Variants in GLE1 observed in about 807,000 individuals in gnomAD.
GLE1 encodes mRNA export factor GLE1.
GLE1 carries 78 observed loss-of-function variants against 97.3 expected under a neutral mutation model. The observed-to-expected ratio is 0.80, with a 90% confidence interval of 0.67 to 0.97. The LOEUF (loss-of-function observed/expected upper bound fraction) is 0.97. GLE1 is among the 50% of genes least tolerant of loss of function. The probability of loss-of-function intolerance (pLI) is 0.00; values close to 1 mark genes in which losing one functional copy is unlikely to be tolerated. For synonymous variants in GLE1, 302 were observed against 313.4 expected (o/e 0.96, Z 0.39); for missense variants, 753 against 857.5 (o/e 0.88, Z 1.52).
In GLE1 at chr9:128,541,185, C is replaced by T; in HGVS notation, c.*15C>T. 7.1e-7 allele frequency: 1 copy of T among 1,411,084 alleles called. No individual in the cohort carries two copies. Among genetic ancestry groups the T allele is most frequent in the Non-Finnish European group, 1.0e-6 (1 of 994,320 alleles). 87.4% of individuals were successfully genotyped at this position (1,411,084 alleles called of 1,614,324 possible). On this transcript the variant is annotated 3_prime_UTR_variant, in exon 16 of 16. Transcript: ENST00000309971. ...GGCGCTCCTGATGTCACTCCATCACCCACCATCACCGCTGCTGCAAAGAGG... is the reference window on the plus strand; with the variant it reads ...GGCGCTCCTGATGTCACTCCATCACTCACCATCACCGCTGCTGCAAAGAGG...
At chr9:128,513,729 A>G (rs1310065382) in intron 2 of GLE1, among the ~76,000 whole-genome samples, 3 of 151,278 alleles carry the variant, frequency 2.0e-5, no homozygotes, top group African/African-American at 7.3e-5. Flanking sequence ...AAAAGAAAAG[A>G]AAAAAGGCGG....
intron 2 of GLE1, among the ~76,000 whole-genome samples, chr9:128,514,980 C>G (rs1370065598): frequency 6.6e-6 from 1 of 151,362 alleles, no homozygotes; most frequent in Non-Finnish European, 1.5e-5. Context: ...GCCACCACGC[C>G]TGGCTAATTT....
intron 14 of GLE1, 117 bp from the exon 15 acceptor site, chr9:128,540,158 G>A (rs1326021217): frequency 3.9e-6 from 3 of 767,492 alleles, no homozygotes; most frequent in Admixed American, 3.8e-5. Flanking sequence ...CAAGGCCTCG[G>A]TGAGCTATGA....
rs371691406 is a variant in GLE1, at chr9:128,527,287, G to A, written c.1238G>A (p.Ser413Asn). The A allele has an allele frequency of 4.5e-6, 7 of 1,564,448 alleles. No individual in the cohort carries two copies. Among genetic ancestry groups the A allele is most frequent in the Non-Finnish European group, 8.8e-7 (1 of 1,134,542 alleles). Residue 413 changes from serine to asparagine, a missense_variant, in exon 8 of 16, where the codon AGT becomes AAT. Ser to Asn is a conservative substitution (Grantham distance 46). Transcript: ENST00000309971. ...TFEGLTNSKD[S>N]QAKKIKMDLQ... ...GAGGGCCTGACCAACAGCAAGGACA[G>A]TCAGGTAGGGGAGAGGTATATGGCA... is the stretch of plus-strand genomic sequence containing the variant.
At chr9:128,529,325 A>G (rs1246328115) in intron 9 of GLE1, among the ~76,000 whole-genome samples, 2 of 152,020 alleles carry the variant, frequency 1.3e-5, no homozygotes, top group Non-Finnish European at 2.9e-5. Context: ...GCACAGTGAC[A>G]TTTACCTCTT....
At chr9:128,540,500 G>A in intron 15 of GLE1, 162 bp downstream of exon 15, 1 of 668,810 alleles carries the variant, frequency 1.5e-6, no homozygotes, top group Admixed American at 2.1e-5. Context: ...TTGGAGTAAG[G>A]GCTGCCATTT....
intron 3 of GLE1, among the ~76,000 whole-genome samples, chr9:128,522,216 T>TAA (rs1847170738): frequency 6.6e-6 from 1 of 152,152 alleles, no homozygotes; most frequent in Non-Finnish European, 1.5e-5. Context: ...CAGCTGAGCT[T>TAA]AAAGATCAAG....
intron 9 of GLE1, among the ~76,000 whole-genome samples, chr9:128,529,315 G>A (rs1188285510): frequency 6.6e-6 from 1 of 152,086 alleles, no homozygotes; most frequent in Non-Finnish European, 1.5e-5. Flanking sequence ...CTCCACCACT[G>A]CACAGTGACA....
At position 128,541,164 on chromosome 9, in the gene GLE1, C is replaced by G. The variant is rs1564162162; in HGVS notation, c.2091C>G (p.Arg697=). The G allele has an allele frequency of 1.3e-6, 2 of 1,549,274 alleles. No homozygotes were observed. Among genetic ancestry groups the G allele is most frequent in the Non-Finnish European group, 1.8e-6 (2 of 1,120,844 alleles). Residue 697 remains arginine (R), a synonymous_variant, in exon 16 of 16, where the codon CGC becomes CGG. Coordinates refer to ENST00000309971, the MANE Select transcript of GLE1 (RefSeq NM_001003722.2). The stretch of plus-strand genomic sequence containing the variant: ...GCTTTCTGACTTCCTCCTTCTGGCG[C>G]TCCTGATGTCACTCCATCACCCACC... ...PKGFLTSSFW[R]S
At chr9:128,534,049 G>A (rs535225245) in intron 11 of GLE1, 98 bp downstream of exon 11, 19 of 829,596 alleles carry the variant, frequency 2.3e-5, no homozygotes, top group South Asian at 1.2e-4. Flanking sequence ...CTCCTATTAC[G>A]TACCTTGAAT....
Position 128,541,401 on chromosome 9 carries a change from A to T in GLE1, c.*231A>T. 1 of 560,984 alleles carries T rather than the reference A, an allele frequency of 1.8e-6. No individual in the cohort carries two copies. The highest frequency in any genetic ancestry group is 3.1e-5 in the Admixed American group (1 of 32,450). The allele number at this position is 560,984 out of a possible 1,614,324, so 34.8% of individuals were successfully genotyped here. A position where few individuals can be genotyped will look rare whatever the true frequency, so the allele number is the denominator to read the frequency against. On this transcript the variant is annotated 3_prime_UTR_variant, in exon 16 of 16. Coordinates refer to ENST00000309971, the MANE Select transcript of GLE1 (RefSeq NM_001003722.2). Reference sequence around the variant, plus strand: ...GAGATCCACGTGATAAAATAAATGGAGTTGGCCTTTCTTGTTTTTTGCAAA... The same window carrying T: ...GAGATCCACGTGATAAAATAAATGGTGTTGGCCTTTCTTGTTTTTTGCAAA...
At chr9:128,511,684 C>T (rs1409627758) in intron 2 of GLE1, among the ~76,000 whole-genome samples, 7 of 144,364 alleles carry the variant, frequency 4.8e-5, no homozygotes, top group African/African-American at 7.7e-5. Flanking sequence ...CCAGCCTGGG[C>T]GACAGAGCAA....
intron 11 of GLE1, among the ~76,000 whole-genome samples, chr9:128,534,695 A>G (rs1847639931): frequency 1.3e-5 from 2 of 151,818 alleles, no homozygotes; most frequent in African/African-American, 4.8e-5. Context: ...AATAATATGT[A>G]ATAATATATA....
At chr9:128,510,551 T>C (rs1589042830) in intron 2 of GLE1, among the ~76,000 whole-genome samples, 1 of 121,674 alleles carries the variant, frequency 8.2e-6, no homozygotes, top group South Asian at 2.6e-4. Flanking sequence ...TTTTTTAAGA[T>C]GGAGTCTAGC....
At chr9:128,520,400 G>A (rs1157773369) in intron 3 of GLE1, among the ~76,000 whole-genome samples, 4 of 147,762 alleles carry the variant, frequency 2.7e-5, no homozygotes, top group Admixed American at 1.4e-4. Context: ...ATATGTATGT[G>A]TGTATATATG....
chr9:128,522,395 G>A (rs993789355), intron 3 of GLE1, among the ~76,000 whole-genome samples: 8 of 152,086 alleles, frequency 5.3e-5, no homozygotes, highest in Non-Finnish European at 1.5e-5. Flanking sequence ...GGTGGCTCAC[G>A]CCTGTAATCC....
In GLE1 at chr9:128,534,070, A is replaced by G. The variant is rs934308026; in HGVS notation, c.1646+119A>G. ...TTACGTACCTTGAATGTTCTATCAG[A>G]AATATAATGTCTTTCGGCCGGGTGC... is the stretch of plus-strand genomic sequence containing the variant. On this transcript the variant is annotated intron_variant, in intron 11 of 15. Coordinates refer to ENST00000309971, the MANE Select transcript of GLE1 (RefSeq NM_001003722.2). The G allele has an allele frequency of 1.4e-5, 11 of 795,580 alleles. No individual in the cohort carries two copies. The African/African-American group carries it at 1.7e-4, about 12-fold the overall frequency. 49.3% of individuals were successfully genotyped at this position (795,580 alleles called of 1,614,324 possible).
intron 3 of GLE1, among the ~76,000 whole-genome samples, chr9:128,519,855 G>A (rs536662113): frequency 5.3e-5 from 8 of 152,198 alleles, no homozygotes; most frequent in South Asian, 4.2e-4. Flanking sequence ...TGTCTCCCCC[G>A]GATGCCCAGC....
intron 2 of GLE1, among the ~76,000 whole-genome samples, chr9:128,515,191 G>A (rs1016947670): frequency 6.6e-6 from 1 of 152,022 alleles, no homozygotes; most frequent in Non-Finnish European, 1.5e-5. Flanking sequence ...TGTAGGTTGG[G>A]GATACTCCAT....
Sources: gnomAD v4.1 joint callset for allele counts (sites outside exome capture counted in the v4.1 genomes callset) on GRCh38, gnomAD v4.1.1 for gene constraint, MANE v1.5 for transcripts, NCBI Gene and HGNC (gene_info 2026-07-23, HGNC 2026-07-21) for gene names.